RNF130: variants seen among roughly 807,000 people sequenced by gnomAD.
RNF130 encodes the protein E3 ubiquitin-protein ligase RNF130.
A neutral mutation model predicts 44.6 loss-of-function variants in RNF130; 21 were observed. The observed-to-expected ratio is 0.47, with a 90% CI of 0.33 to 0.68. The LOEUF is 0.68. Among genes scored for constraint, RNF130 ranks in the 30% least tolerant of loss-of-function variants. RNF130 has a pLI of 0.02. For missense variants in RNF130, 479 were observed against 560.6 expected (o/e 0.85, Z 1.47); for synonymous variants, 214 against 210.4 (o/e 1.02, Z -0.15).
intron 1 of RNF130, among the ~76,000 whole-genome samples, chr5:180,056,957 A>C (rs1020850174): frequency 6.6e-6 from 1 of 152,242 alleles, no homozygotes; most frequent in African/African-American, 2.4e-5. Flanking sequence ...TATAATAAGA[A>C]ATACATATTT....
chr5:179,945,776 C>T (rs1026543327), intron 7 of RNF130, among the ~76,000 whole-genome samples: 2 of 152,122 alleles, frequency 1.3e-5, no homozygotes, highest in Non-Finnish European at 2.9e-5. Context: ...AAATACTACG[C>T]GCCGCTGCAG....
chr5:179,931,586 T>G (rs1292367971), intron 7 of RNF130, among the ~76,000 whole-genome samples: 1 of 151,510 alleles, frequency 6.6e-6, no homozygotes, highest in African/African-American at 2.4e-5. Context: ...CTGGCCAAAA[T>G]AGTGAAACTA....
chr5:179,941,813 G>C (rs1056440065), intron 7 of RNF130, among the ~76,000 whole-genome samples: 3 of 152,130 alleles, frequency 2.0e-5, no homozygotes, highest in Admixed American at 2.0e-4. Flanking sequence ...GACATTACCA[G>C]AAAGAGAAAC....
chr5:179,962,964 C>T (rs762806213), intron 8 of RNF130, among the ~76,000 whole-genome samples: 8 of 152,238 alleles, frequency 5.3e-5, no homozygotes, highest in Non-Finnish European at 1.0e-4. Flanking sequence ...TCTTCCTCCT[C>T]ACAGCTGTCC....
intron 7 of RNF130, among the ~76,000 whole-genome samples, chr5:179,923,374 C>T (rs900226493): frequency 6.6e-6 from 1 of 152,184 alleles, no homozygotes; most frequent in African/African-American, 2.4e-5. Flanking sequence ...TATTTCTGGG[C>T]ACTATTCTGT....
chr5:179,933,516 T>C (rs1227197814), intron 7 of RNF130, among the ~76,000 whole-genome samples: 11 of 151,622 alleles, frequency 7.3e-5, no homozygotes, highest in Admixed American at 7.2e-4. Context: ...ATTTTACTTT[T>C]TAATTTAAAA....
At chr5:180,056,955 G>T (rs1010409807) in intron 1 of RNF130, among the ~76,000 whole-genome samples, 1 of 152,206 alleles carries the variant, frequency 6.6e-6, no homozygotes, top group African/African-American at 2.4e-5. Context: ...GATATAATAA[G>T]AAATACATAT....
intron 2 of RNF130, among the ~76,000 whole-genome samples, chr5:180,038,487 G>A (rs531548178): frequency 3.3e-5 from 5 of 150,756 alleles, no homozygotes; most frequent in East Asian, 2.0e-4. Flanking sequence ...GAGCCACTGC[G>A]ACCAGCCAAA....
intron 1 of RNF130, among the ~76,000 whole-genome samples, chr5:180,051,892 A>G (rs1764695155): frequency 6.6e-6 from 1 of 152,274 alleles, no homozygotes; most frequent in African/African-American, 2.4e-5. Flanking sequence ...TACTTCATGC[A>G]AGATGCTACA....
intron 7 of RNF130, among the ~76,000 whole-genome samples, chr5:179,946,800 A>C (rs563995313): frequency 5.9e-5 from 9 of 152,214 alleles, no homozygotes; most frequent in East Asian, 3.9e-4. Flanking sequence ...GTGATCCACC[A>C]GCCTCGGCCT....
exon 8 of RNF130, chr5:179,920,040 G>C (rs1300124515): frequency 5.0e-6 from 2 of 396,414 alleles, no homozygotes; most frequent in East Asian, 7.8e-5. Context: ...CCTGGGCCCG[G>C]CCTCTTCTCT....
chr5:179,976,566 G>A (rs1346743093), intron 5 of RNF130, among the ~76,000 whole-genome samples: 3 of 152,158 alleles, frequency 2.0e-5, no homozygotes, highest in Non-Finnish European at 4.4e-5. Flanking sequence ...CTGTTCCACA[G>A]TTTAATTTTC....
intron 6 of RNF130, among the ~76,000 whole-genome samples, chr5:179,969,579 T>C (rs1762533870): frequency 6.6e-6 from 1 of 152,062 alleles, no homozygotes; most frequent in South Asian, 2.1e-4. Flanking sequence ...CTTTTAAAAG[T>C]GGACCATGCC....
intron 4 of RNF130, among the ~76,000 whole-genome samples, chr5:179,979,291 C>A (rs1762779024): frequency 6.6e-6 from 1 of 150,408 alleles, no homozygotes; most frequent in South Asian, 2.1e-4. Flanking sequence ...CAATAAAGTT[C>A]ACTAAGAATG....
intron 3 of RNF130, among the ~76,000 whole-genome samples, chr5:179,991,041 C>T (rs936945800): frequency 6.6e-6 from 1 of 152,116 alleles, no homozygotes; most frequent in African/African-American, 2.4e-5. Flanking sequence ...GAGAAAGACC[C>T]GTTTTCTCCT....
At chr5:180,001,106 T>A (rs891974298) in intron 3 of RNF130, among the ~76,000 whole-genome samples, 1 of 152,190 alleles carries the variant, frequency 6.6e-6, no homozygotes, top group East Asian at 1.9e-4. Context: ...GGTGCAGTGG[T>A]ACAGTCTCTG....
In RNF130 at chr5:180,013,077, G is replaced by A; in HGVS notation, c.677C>T (p.Ala226Val). The A allele has an allele frequency of 6.2e-7, 1 of 1,613,550 alleles. No individual in the cohort carries two copies. Among genetic ancestry groups the A allele is most frequent in the Non-Finnish European group, 8.5e-7 (1 of 1,179,970 alleles). The change falls in exon 3 of 9, where the codon GCA (alanine) becomes GTA (valine). Residue 226 changes from alanine (A) to valine (V), a missense_variant. By Grantham distance (64) the Ala-to-Val change is moderately conservative (BLOSUM62 0). Transcript: ENST00000521389. ...YFIQKIRYTN[A>V]RDRNQRRLGD... is the part of the protein sequence containing the mutation. ...TGAGCTCACCTGGTTCCTGTCGCGT[G>A]CATTTGTGTACCTGATCTTCTGAAT...
chr5:180,043,899 T>C (rs563929120), intron 1 of RNF130, among the ~76,000 whole-genome samples: 30 of 152,336 alleles, frequency 2.0e-4, no homozygotes, highest in African/African-American at 7.0e-4. Flanking sequence ...GTGGTATTTA[T>C]TATTCAGAAG....
intron 2 of RNF130, among the ~76,000 whole-genome samples, chr5:180,014,630 T>C (rs1161314320): frequency 3.3e-5 from 5 of 152,188 alleles, no homozygotes; most frequent in Non-Finnish European, 7.3e-5. Context: ...ATTTACCATA[T>C]TTAGCTAAAA....
Sources: gnomAD v4.1 joint callset for allele counts (sites outside exome capture counted in the v4.1 genomes callset) on GRCh38, gnomAD v4.1.1 for gene constraint, MANE v1.5 for transcripts, NCBI Gene and HGNC (gene_info 2026-07-23, HGNC 2026-07-21) for gene names.